The following PLEKHA8 variants were observed in gnomAD, a reference collection of about 807,000 sequenced individuals.
PLEKHA8 encodes the protein pleckstrin homology domain-containing family A member 8.
A neutral mutation model predicts 68.2 loss-of-function variants in PLEKHA8; 36 were observed. The observed-to-expected ratio is 0.53, with a 90% CI of 0.40 to 0.70. PLEKHA8 has a LOEUF of 0.70. PLEKHA8 is among the 30% of genes least tolerant of loss of function. The pLI is 0.00. For synonymous variants in PLEKHA8, 211 were observed against 216.1 expected (o/e 0.98, Z 0.20); for missense variants, 505 against 615.4 (o/e 0.82, Z 1.90).
At chr7:30,103,275 A>G (rs1269675330) in intron 13 of PLEKHA8, among the ~76,000 whole-genome samples, 1 of 152,228 alleles carries the variant, frequency 6.6e-6, no homozygotes, top group African/African-American at 2.4e-5. Flanking sequence ...AAAAAAATTA[A>G]TAATGTAATA....
chr7:30,028,752 C>A lies in PLEKHA8; in HGVS notation c.-11C>A. ...GGGCCGGCGGGCGTGGGCCGAGTGG[C>A]CGCGGGCGCCATGGAGGGGGTGCTG... is the stretch of plus-strand genomic sequence containing the variant. On this transcript the variant is annotated 5_prime_UTR_variant, in exon 1 of 14. Coordinates refer to ENST00000449726, the MANE Select transcript of PLEKHA8 (RefSeq NM_001197026.2). The A allele has an allele frequency of 7.9e-7, 1 of 1,261,468 alleles. No individual in the cohort carries two copies. The highest frequency in any genetic ancestry group is 1.0e-6 in the Non-Finnish European group (1 of 997,434). 78.1% of individuals were successfully genotyped at this position (1,261,468 alleles called of 1,614,324 possible).
intron 12 of PLEKHA8, among the ~76,000 whole-genome samples, chr7:30,063,574 G>A (rs1210817241): frequency 6.6e-6 from 1 of 152,088 alleles, no homozygotes; most frequent in Non-Finnish European, 1.5e-5. Flanking sequence ...CTTTTTTTCA[G>A]TGTCACAGTT....
intron 13 of PLEKHA8, among the ~76,000 whole-genome samples, chr7:30,117,586 C>A (rs571473070): frequency 6.6e-6 from 1 of 151,934 alleles, no homozygotes; most frequent in Admixed American, 6.6e-5. Context: ...CACCTGTAGT[C>A]CCAGATACTC....
At chr7:30,040,927 T>C (rs1443061634) in intron 1 of PLEKHA8, among the ~76,000 whole-genome samples, 1 of 152,208 alleles carries the variant, frequency 6.6e-6, no homozygotes, top group African/African-American at 2.4e-5. Context: ...GATAGTCTAG[T>C]GGTCATCTAA....
At chr7:30,067,172 T>G (rs946708173) in intron 12 of PLEKHA8, among the ~76,000 whole-genome samples, 2 of 152,220 alleles carry the variant, frequency 1.3e-5, no homozygotes, top group African/African-American at 2.4e-5. Context: ...CTATAAAGAA[T>G]TCAGAGGTTA....
Position 30,121,194 on chromosome 7 carries a change from A to G in PLEKHA8, c.1363-8072A>G, listed in dbSNP as rs369931543. Reference sequence around the variant, plus strand: ...GGTTTGCCTCTTTTTTGACCCACGCATGCTTCCGTTTTCTTCCATGGGAGG... The same window carrying G: ...GGTTTGCCTCTTTTTTGACCCACGCGTGCTTCCGTTTTCTTCCATGGGAGG... On this transcript the variant is annotated intron_variant, in intron 13 of 13. Transcript: ENST00000396257. Among the ~76,000 whole-genome samples, 79 of 152,280 alleles carry G rather than the reference A, an allele frequency of 5.2e-4. 1 individual carries two copies. The South Asian group carries it at 0.016, about 31-fold the overall frequency.
At chr7:30,063,145 T>C (rs1247041811) in intron 12 of PLEKHA8, among the ~76,000 whole-genome samples, 1 of 152,222 alleles carries the variant, frequency 6.6e-6, no homozygotes, top group Non-Finnish European at 1.5e-5. Flanking sequence ...GGATTTGTTC[T>C]GGAGTAAGAG....
chr7:30,065,711 A>G (rs1330527479), intron 12 of PLEKHA8, among the ~76,000 whole-genome samples: 2 of 152,218 alleles, frequency 1.3e-5, no homozygotes, highest in South Asian at 2.1e-4. Context: ...AAAAACAGCT[A>G]TCACTTACAG....
intron 12 of PLEKHA8, among the ~76,000 whole-genome samples, chr7:30,070,887 C>T (rs1418638605): frequency 2.6e-5 from 4 of 152,140 alleles, no homozygotes; most frequent in Non-Finnish European, 5.9e-5. Context: ...GCCAGGTGGG[C>T]CTTGGAGCTG....
intron 13 of PLEKHA8, among the ~76,000 whole-genome samples, chr7:30,097,706 A>G (rs10951260): frequency 0.14 from 21,905 of 152,016 alleles, 1,605 homozygotes; most frequent in Middle Eastern, 0.19. Flanking sequence ...CTCTGCATTG[A>G]TTATTCTAGT....
Position 30,028,517 on chromosome 7 carries a change from A to G in PLEKHA8, c.-246A>G, listed in dbSNP as rs1218301171. ...GGCCCGGACCCGGGCCTCCTTGTGA[A>G]CAGCGTGCCGGCTTCGCCCCACGGG... On this transcript the variant is annotated 5_prime_UTR_variant, in exon 1 of 14. Transcript: ENST00000449726. 3 of 364,796 alleles carry G rather than the reference A, an allele frequency of 8.2e-6. No homozygotes were observed. Among genetic ancestry groups the G allele is most frequent in the Non-Finnish European group, 1.5e-5 (3 of 204,652 alleles). 22.6% of individuals were successfully genotyped at this position (364,796 alleles called of 1,614,324 possible). A position where few individuals can be genotyped will look rare whatever the true frequency, so the allele number is the denominator to read the frequency against.
chr7:30,130,160 G>T (rs961544424), downstream of PLEKHA8: 6 of 152,228 alleles, frequency 3.9e-5, no homozygotes, highest in East Asian at 3.8e-4. Flanking sequence ...CTCTCTAGAG[G>T]ATGAGCTAGT....
At chr7:30,120,170 C>T (rs73078001) in intron 13 of PLEKHA8, among the ~76,000 whole-genome samples, 17 of 130,908 alleles carry the variant, frequency 1.3e-4, no homozygotes, top group Non-Finnish European at 2.0e-4. Context: ...AAAAAAAAAA[C>T]AAAAAAAAAA....
chr7:30,105,335 A>G (rs1472146474), intron 13 of PLEKHA8, among the ~76,000 whole-genome samples: 4 of 150,250 alleles, frequency 2.7e-5, no homozygotes, highest in Non-Finnish European at 5.9e-5. Context: ...AAAAAAAAAA[A>G]AAGCCATTCA....
chr7:30,063,208 G>A (rs960075124), intron 12 of PLEKHA8, among the ~76,000 whole-genome samples: 5 of 152,304 alleles, frequency 3.3e-5, no homozygotes, highest in South Asian at 4.1e-4. Flanking sequence ...TGCTGTGTGC[G>A]TCCCAGTTTC....
chr7:30,109,468 A>G (rs1333071824), intron 13 of PLEKHA8, among the ~76,000 whole-genome samples: 1 of 151,304 alleles, frequency 6.6e-6, no homozygotes, highest in Admixed American at 6.6e-5. Context: ...GATGCCTGTA[A>G]TCCCAGCTAC....
downstream of PLEKHA8, chr7:30,129,715 T>C: frequency 5.3e-6 from 1 of 189,756 alleles, no homozygotes; most frequent in Admixed American, 5.4e-5. Context: ...CACATATTTA[T>C]TTTCTCAGAT....
At chr7:30,089,224 G>A (rs908523008), downstream of PLEKHA8, among the ~76,000 whole-genome samples, 1 of 152,100 alleles carries the variant, frequency 6.6e-6, no homozygotes, top group Non-Finnish European at 1.5e-5. Flanking sequence ...ACACTAATGT[G>A]GCTGTGCTGG....
At chr7:30,115,584 A>G (rs1175474784) in intron 13 of PLEKHA8, among the ~76,000 whole-genome samples, 1 of 150,408 alleles carries the variant, frequency 6.6e-6, no homozygotes, top group African/African-American at 2.4e-5. Flanking sequence ...ATGCACGTAT[A>G]CATGTAGACA....
Sources: gnomAD v4.1 joint callset for allele counts (sites outside exome capture counted in the v4.1 genomes callset) on GRCh38, gnomAD v4.1.1 for gene constraint, MANE v1.5 for transcripts, NCBI Gene and HGNC (gene_info 2026-07-23, HGNC 2026-07-21) for gene names.